The following CFAP46 variants were observed in gnomAD, a reference collection of about 807,000 sequenced individuals.
CFAP46 encodes the protein cilia- and flagella-associated protein 46.
CFAP46 carries 245 observed loss-of-function variants against 325.7 expected under a neutral mutation model. The ratio of observed to expected loss-of-function variants is 0.75; its 90% CI spans 0.68 to 0.84. CFAP46 has a LOEUF of 0.84. CFAP46 is among the 40% of genes least tolerant of loss of function. The pLI is 0.00. For missense variants in CFAP46, 3,346 were observed against 3,543.0 expected (o/e 0.94, Z 1.41); for synonymous variants, 1,523 against 1,495.9 (o/e 1.02, Z -0.42).
chr10:132,861,196 G>A (rs942574973), intron 35 of CFAP46, among the ~76,000 whole-genome samples: 1 of 152,326 alleles, frequency 6.6e-6, no homozygotes, highest in Middle Eastern at 3.4e-3. Flanking sequence ...AGTGCTGCCC[G>A]GCTCCTGCCC....
intron 23 of CFAP46, 86 bp downstream of exon 23, chr10:132,899,449 A>G: frequency 6.9e-7 from 1 of 1,439,858 alleles, no homozygotes; most frequent in Non-Finnish European, 9.2e-7. Context: ...TTGGGCCCAC[A>G]GGATGGGCCA....
Position 132,922,469 on chromosome 10 carries a change from C to T in CFAP46, c.1485+11G>A, listed in dbSNP as rs561205750. The T allele has an allele frequency of 2.4e-5, 37 of 1,525,340 alleles. No homozygotes were observed. Among genetic ancestry groups the T allele is most frequent in the African/African-American group, 1.5e-4 (11 of 72,730 alleles). The allele number at this position is 1,525,340 out of a possible 1,614,324, so 94.5% of individuals were successfully genotyped here. ...CAGCACCCAGCCTCCCTCACTTCCC[C>T]GGGGCGGCACCTGCTCAACGGCCAT... On this transcript the variant is annotated intron_variant, in intron 12 of 57. Transcript: ENST00000368586.
In CFAP46 at chr10:132,834,707, G is replaced by T; in HGVS notation, c.6813C>A (p.Pro2271=). The T allele has an allele frequency of 6.2e-7, 1 of 1,613,070 alleles. No individual in the cohort carries two copies. The highest frequency in any genetic ancestry group is 1.1e-5 in the South Asian group (1 of 90,988). The change falls in exon 48 of 58, where the codon CCC becomes CCA. Residue 2271 remains proline, a synonymous_variant. Transcript: ENST00000368586. ...PVQRLSSVLG[P]LEELLQPLFP... ...ATAGCGGCTGCAGAAGCTCCTCCAGGGGCCCCAGGACGCTACTGAGCCTCT... is the reference window on the plus strand; with the variant it reads ...ATAGCGGCTGCAGAAGCTCCTCCAGTGGCCCCAGGACGCTACTGAGCCTCT...
chr10:132,835,299 C>T lies in CFAP46; in HGVS notation c.6744+5G>A, dbSNP rs916237195. Reference sequence around the variant, plus strand: ...CTGGGTGGCTTGGAGCCTGGAGGGCCTCACCGAGCCTATGTTCAGGGCCAT... The same window carrying T: ...CTGGGTGGCTTGGAGCCTGGAGGGCTTCACCGAGCCTATGTTCAGGGCCAT... On this transcript the variant is annotated splice_donor_5th_base_variant and intron_variant, in intron 47 of 57. Transcript: ENST00000368586. 6.2e-7 allele frequency: 1 copy of T among 1,612,142 alleles called. No homozygotes were observed. Among genetic ancestry groups the T allele is most frequent in the East Asian group, 2.2e-5 (1 of 44,872 alleles).
intron 50 of CFAP46, among the ~76,000 whole-genome samples, chr10:132,831,266 C>T (rs1031535173): frequency 1.5e-5 from 2 of 136,270 alleles, no homozygotes; most frequent in Admixed American, 7.1e-5. Flanking sequence ...CATTCTTCTG[C>T]CGTGGGGGGA....
At chr10:132,848,586 A>G (rs1848481049) in intron 41 of CFAP46, among the ~76,000 whole-genome samples, 1 of 152,234 alleles carries the variant, frequency 6.6e-6, no homozygotes, top group Admixed American at 6.5e-5. Flanking sequence ...AAACACACCC[A>G]CAGCTGCACA....
intron 50 of CFAP46, among the ~76,000 whole-genome samples, chr10:132,821,834 G>C (rs1245109898): frequency 7.4e-5 from 11 of 149,000 alleles, no homozygotes; most frequent in African/African-American, 2.8e-4. Flanking sequence ...TCTGTGCGCT[G>C]TGTGCTGTGT....
intron 44 of CFAP46, among the ~76,000 whole-genome samples, chr10:132,845,146 A>G (rs1848413319): frequency 6.6e-6 from 1 of 152,320 alleles, no homozygotes; most frequent in Non-Finnish European, 1.5e-5. Context: ...GGCCATGTGC[A>G]TCAGCATCTT....
At chr10:132,917,012 C>T (rs1047701860) in intron 16 of CFAP46, among the ~76,000 whole-genome samples, 4 of 152,250 alleles carry the variant, frequency 2.6e-5, no homozygotes, top group African/African-American at 9.6e-5. Flanking sequence ...ACCTCCCCTA[C>T]GTAATCATTA....
Position 132,814,611 on chromosome 10 carries a change from G to A in CFAP46, c.7251C>T (p.Phe2417=), listed in dbSNP as rs759275453. ...CIIVDSDNFK[F]VVDPYEEAQG... ...GGGCCTCCTCGTATGGGTCCACGAC[G>A]ACTGGGTCCCGGTCAAGGAGAAACG... The change falls in exon 53 of 58, where the codon TTC becomes TTT. Residue 2417 remains phenylalanine, a splice_region_variant and synonymous_variant. Coordinates refer to ENST00000368586, the MANE Select transcript of CFAP46 (RefSeq NM_001200049.3). 16 of 1,576,232 alleles carry A rather than the reference G, an allele frequency of 1.0e-5. No homozygotes were observed. Among genetic ancestry groups the A allele is most frequent in the African/African-American group, 9.4e-5 (7 of 74,568 alleles).
rs1848208911 is a variant in CFAP46, at chr10:132,834,711, C to T, written c.6809G>A (p.Gly2270Glu). The change falls in exon 48 of 58, where the codon GGG (glycine) becomes GAG (glutamate). Residue 2270 changes from glycine (G) to glutamate (E), a missense_variant. Gly to Glu is a moderately conservative substitution (Grantham distance 98, BLOSUM62 -2). Transcript: ENST00000368586. The stretch of plus-strand genomic sequence containing the variant: ...CGGCTGCAGAAGCTCCTCCAGGGGC[C>T]CCAGGACGCTACTGAGCCTCTGCAC... ...RPVQRLSSVL[G>E]PLEELLQPLF... The T allele has an allele frequency of 1.2e-6, 2 of 1,612,912 alleles. No homozygotes were observed. The highest frequency in any genetic ancestry group is 8.5e-7 in the Non-Finnish European group (1 of 1,179,932).
intron 19 of CFAP46, among the ~76,000 whole-genome samples, chr10:132,910,772 G>A (rs1437526168): frequency 2.6e-5 from 4 of 152,198 alleles, no homozygotes; most frequent in South Asian, 2.1e-4. Context: ...ACTGGGCAGC[G>A]TCCTTCCCTT....
chr10:132,861,414 C>T (rs1254889956), intron 35 of CFAP46, among the ~76,000 whole-genome samples: 1 of 152,244 alleles, frequency 6.6e-6, no homozygotes, highest in African/African-American at 2.4e-5. Context: ...CTGAGCTGAG[C>T]GGCAGGAAAC....
chr10:132,853,489 T>A (rs778274671), intron 39 of CFAP46, among the ~76,000 whole-genome samples: 2 of 152,232 alleles, frequency 1.3e-5, no homozygotes, highest in Non-Finnish European at 2.9e-5. Context: ...TTGTTGTTAA[T>A]GTTTTTATCT....
In CFAP46 at chr10:132,937,338, C is replaced by T. The variant is rs1326145357; in HGVS notation, c.660+214G>A. On this transcript the variant is annotated intron_variant, in intron 6 of 57. Coordinates refer to ENST00000368586, the MANE Select transcript of CFAP46 (RefSeq NM_001200049.3). The stretch of plus-strand genomic sequence containing the variant: ...AAGAGCGACGATAAAGGCAAAAGAC[C>T]CTGTTTTGTTTTCTAAATGTCACAG... 3 of 573,556 alleles carry T rather than the reference C, an allele frequency of 5.2e-6. No homozygotes were observed. The African/African-American group carries it at 5.7e-5, about 11-fold the overall frequency. 35.5% of individuals were successfully genotyped at this position (573,556 alleles called of 1,614,324 possible).
chr10:132,826,710 G>A (rs187117128), intron 50 of CFAP46, among the ~76,000 whole-genome samples: 15 of 142,894 alleles, frequency 1.0e-4, no homozygotes, highest in South Asian at 6.9e-4. Context: ...GGCAGGAGCC[G>A]GAGCCACAGA....
In CFAP46 at chr10:132,899,614, C is replaced by A. The variant is rs1849366638; in HGVS notation, c.2977G>T (p.Gly993Cys). The A allele has an allele frequency of 6.5e-7, 1 of 1,550,276 alleles. No individual in the cohort carries two copies. Among genetic ancestry groups the A allele is most frequent in the Non-Finnish European group, 8.7e-7 (1 of 1,146,976 alleles). Residue 993 changes from glycine to cysteine, a missense_variant, in exon 23 of 58, where the codon GGC becomes TGC. Coordinates refer to ENST00000368586, the MANE Select transcript of CFAP46 (RefSeq NM_001200049.3). ...TTCAGGTTTTCCATGATGCTCCTGCCCTGGATGGCCGTGGCTGTGCACAGC... is the reference window on the plus strand; with the variant it reads ...TTCAGGTTTTCCATGATGCTCCTGCACTGGATGGCCGTGGCTGTGCACAGC... ...EMLCTATAIQ[G>C]RSIMENLKGR...
rs1181128031 is a variant in CFAP46, at chr10:132,886,596, T to C, written c.3305-637A>G. Among the ~76,000 whole-genome samples, 4 of 152,130 alleles carry C rather than the reference T, an allele frequency of 2.6e-5. No individual in the cohort carries two copies. Among genetic ancestry groups the C allele is most frequent in the Non-Finnish European group, 4.4e-5 (3 of 68,000 alleles). On this transcript the variant is annotated intron_variant, in intron 25 of 57. Transcript: ENST00000368586. This position sits in a 1 kb window ranked among gnomAD's most constrained non-coding sequence, Gnocchi z 5.8. The stretch of plus-strand genomic sequence containing the variant: ...GATCCTGGTGGGATGGAACCCTCAG[T>C]GTCTGGGCGAGCTGCAGATGAACTT...
intron 50 of CFAP46, among the ~76,000 whole-genome samples, chr10:132,825,172 CTGTG>C (rs888199746): frequency 2.4e-4 from 30 of 127,414 alleles, no homozygotes; most frequent in Non-Finnish European, 4.0e-4. Flanking sequence ...GTGATGTGTG[CTGTG>C]TGTGTGCTGT....
Sources: gnomAD v4.1 joint callset for allele counts (sites outside exome capture counted in the v4.1 genomes callset) on GRCh38, gnomAD v4.1.1 for gene constraint, Gnocchi (gnomAD v3.1) non-coding constraint, MANE v1.5 for transcripts, NCBI Gene and HGNC (gene_info 2026-07-23, HGNC 2026-07-21) for gene names.